Variants in SPATA13 observed in about 807,000 individuals in gnomAD.
SPATA13 encodes spermatogenesis associated 13.
In SPATA13, 50 loss-of-function variants were observed where a neutral mutation model predicts 104.0. The ratio of observed to expected loss-of-function variants is 0.48; its 90% CI spans 0.38 to 0.61. The LOEUF (loss-of-function observed/expected upper bound fraction) is 0.61. Ranked by LOEUF, SPATA13 falls within the 20% of genes least tolerant of loss-of-function variation. SPATA13 has a pLI of 0.00. For missense variants in SPATA13, 1,524 were observed against 1,690.6 expected, an observed-to-expected ratio of 0.90 and a Z score of 1.73; for synonymous variants, 606 against 667.5, an observed-to-expected ratio of 0.91 and a Z score of 1.42.
intron 3 of SPATA13, among the ~76,000 whole-genome samples, chr13:24,057,009 C>G (rs761369532): frequency 1.6e-5 from 1 of 60,722 alleles, no homozygotes; most frequent in Non-Finnish European, 3.5e-5. Flanking sequence ...TTTTCTTTCT[C>G]TCTCTCTCTC....
intron 4 of SPATA13, among the ~76,000 whole-genome samples, chr13:24,255,698 T>C (rs1873755214): frequency 6.6e-6 from 1 of 152,118 alleles, no homozygotes; most frequent in Non-Finnish European, 1.5e-5. Context: ...GCCCAAGGGG[T>C]GGTGAGACTC....
intron 3 of SPATA13, among the ~76,000 whole-genome samples, chr13:24,026,251 G>A (rs1231037315): frequency 6.6e-6 from 1 of 152,134 alleles, no homozygotes; most frequent in African/African-American, 2.4e-5. Context: ...TGTGAGTTAA[G>A]AAATCCTTTC....
intron 3 of SPATA13, among the ~76,000 whole-genome samples, chr13:24,055,864 C>T (rs7985197): frequency 0.14 from 21,211 of 152,218 alleles, 1,787 homozygotes; most frequent in East Asian, 0.33. Context: ...AATCCACCAC[C>T]GCACGGGTCC....
At chr13:23,990,414 A>G (rs765121887) in intron 2 of SPATA13, among the ~76,000 whole-genome samples, 1 of 151,516 alleles carries the variant, frequency 6.6e-6, no homozygotes, top group Non-Finnish European at 1.5e-5. Context: ...TCCTTCCTAC[A>G]CTCCACTGTT....
chr13:24,033,015 C>T (rs1465204601), intron 3 of SPATA13, among the ~76,000 whole-genome samples: 1 of 152,048 alleles, frequency 6.6e-6, no homozygotes, highest in African/African-American at 2.4e-5. Context: ...TTCATGGAGA[C>T]AATAAAAATT....
chr13:24,138,267 T>TTCCAG (rs1481151023), intron 3 of SPATA13, among the ~76,000 whole-genome samples: 2 of 151,556 alleles, frequency 1.3e-5, no homozygotes, highest in Non-Finnish European at 2.9e-5. Context: ...GGATGCACCA[T>TTCCAG]TCCAGTCCAG....
upstream of SPATA13, among the ~76,000 whole-genome samples, chr13:24,159,089 T>C (rs1882353968): frequency 7.2e-6 from 1 of 139,802 alleles, no homozygotes; most frequent in African/African-American, 2.6e-5. Flanking sequence ...TTTGTGCTAA[T>C]TCTAAAGAGA....
chr13:24,181,761 C>CTTTTTTTTTTTTT (rs374662974), intron 1 of SPATA13, among the ~76,000 whole-genome samples: 1 of 145,008 alleles, frequency 6.9e-6, no homozygotes, highest in Non-Finnish European at 1.5e-5. Flanking sequence ...TTACAGTTGA[C>CTTTTTTTTTTTTT]TTTTTTTTTT....
chr13:24,120,305 G>A (rs560955163), intron 3 of SPATA13, among the ~76,000 whole-genome samples: 13 of 152,334 alleles, frequency 8.5e-5, no homozygotes, highest in East Asian at 1.9e-4. Flanking sequence ...AAAGACCCAC[G>A]TCTTTGCCAA....
intron 3 of SPATA13, among the ~76,000 whole-genome samples, chr13:24,119,521 G>GCTT (rs1246206754): frequency 6.6e-6 from 1 of 152,172 alleles, no homozygotes; most frequent in Non-Finnish European, 1.5e-5. Context: ...ATCTCTCAGA[G>GCTT]CTTCTTCTGG....
chr13:24,165,637 T>C (rs1882698441), intron 1 of SPATA13, among the ~76,000 whole-genome samples: 1 of 151,928 alleles, frequency 6.6e-6, no homozygotes, highest in African/African-American at 2.4e-5. Flanking sequence ...TTACTCACTG[T>C]CTGGGACAGA....
At position 24,085,324 on chromosome 13, in the gene SPATA13, G is replaced by A. The variant is rs1357077818; in HGVS notation, c.-112+67623G>A. ...GTATTTTTAGTAGAGACAGGGTTTCGCCATGTTAGCCTGGCTAGTCTCTGA... is the reference window on the plus strand; with the variant it reads ...GTATTTTTAGTAGAGACAGGGTTTCACCATGTTAGCCTGGCTAGTCTCTGA... On this transcript the variant is annotated intron_variant, in intron 3 of 14. Coordinates refer to the SPATA13 transcript ENST00000424834. 1.2e-4 allele frequency among the ~76,000 whole-genome samples: 18 copies of A among 152,076 alleles called. 1 individual carries two copies. Among genetic ancestry groups the A allele is most frequent in the Non-Finnish European group, 2.1e-4 (14 of 68,018 alleles).
intron 3 of SPATA13, among the ~76,000 whole-genome samples, chr13:24,097,338 A>G (rs1880116779): frequency 6.6e-6 from 1 of 152,194 alleles, no homozygotes; most frequent in Non-Finnish European, 1.5e-5. Context: ...AGGTCATGCA[A>G]CTAGTAGGTG....
chr13:24,078,732 A>G (rs1053027244), intron 3 of SPATA13, among the ~76,000 whole-genome samples: 1 of 152,210 alleles, frequency 6.6e-6, no homozygotes, highest in African/African-American at 2.4e-5. Flanking sequence ...TCAATAGCCC[A>G]TCAGTGTACA....
At chr13:24,261,641 G>A (rs2138680137) in intron 4 of SPATA13, among the ~76,000 whole-genome samples, 1 of 152,310 alleles carries the variant, frequency 6.6e-6, no homozygotes, top group East Asian at 1.9e-4. Context: ...TAGCCAGGCA[G>A]GTAAGCGGTG....
In SPATA13 at chr13:24,051,514, C is replaced by G. The variant is rs1225038519; in HGVS notation, c.-112+33813C>G. Among the ~76,000 whole-genome samples, 1 of 152,204 alleles carries G rather than the reference C, an allele frequency of 6.6e-6. No individual in the cohort carries two copies. Among genetic ancestry groups the G allele is most frequent in the East Asian group, 1.9e-4 (1 of 5,188 alleles). On this transcript the variant is annotated intron_variant, in intron 3 of 14. Transcript: ENST00000424834. The surrounding 1 kb of genome is among the most constrained non-coding windows in gnomAD (Gnocchi z 4.2). ...GGGACATACTCATGCACACCCAACCCTTAGGGGAGGAGATTATGCCCAGTG... is the reference window on the plus strand; with the variant it reads ...GGGACATACTCATGCACACCCAACCGTTAGGGGAGGAGATTATGCCCAGTG...
In SPATA13 at chr13:24,249,687, C is replaced by A. The variant is rs774012861; in HGVS notation, c.1864C>A (p.Pro622Thr). ...PQKEDRVDED[P>T]QASMTSASPE... ...GAAGGAAGACCGTGTGGACGAGGAC[C>A]CCCAGGCAAGCATGACTTCTGCCAG... The change falls in exon 3 of 13, where the codon CCC becomes ACC. Residue 622 changes from proline to threonine, a missense_variant. By Grantham distance (38) the Pro-to-Thr change is conservative. Transcript: ENST00000382108. 4 of 1,614,186 alleles carry A rather than the reference C, an allele frequency of 2.5e-6. No individual in the cohort carries two copies. The highest frequency in any genetic ancestry group is 3.4e-6 in the Non-Finnish European group (4 of 1,180,014).
chr13:24,023,725 G>A (rs538517249), intron 3 of SPATA13, among the ~76,000 whole-genome samples: 1 of 152,290 alleles, frequency 6.6e-6, no homozygotes, highest in South Asian at 2.1e-4. Context: ...GGCTTTGAAG[G>A]TGGAGGCCAT....
At position 24,289,041 on chromosome 13, in the gene SPATA13, G is replaced by C; in HGVS notation, c.2710G>C (p.Val904Leu). 6.2e-7 allele frequency: 1 copy of C among 1,613,680 alleles called. No homozygotes were observed. The highest frequency in any genetic ancestry group is 8.5e-7 in the Non-Finnish European group (1 of 1,179,938). Reference protein sequence around the residue: ...QCRKHTGMFTVAQLATIFGNI... With the variant: ...QCRKHTGMFTLAQLATIFGNI... The stretch of plus-strand genomic sequence containing the variant: ...CCGCAAGCACACAGGAATGTTCACC[G>C]TTGCGCAGCTAGCCACTATTTTTGG... The change falls in exon 8 of 13, where the codon GTT becomes CTT. Residue 904 changes from valine to leucine, a missense_variant. Val to Leu is a conservative substitution (Grantham distance 32). Coordinates refer to ENST00000382108, the MANE Select transcript of SPATA13 (RefSeq NM_001166271.3).
Sources: gnomAD v4.1 joint callset for allele counts (sites outside exome capture counted in the v4.1 genomes callset) on GRCh38, gnomAD v4.1.1 for gene constraint, Gnocchi (gnomAD v3.1) non-coding constraint, MANE v1.5 for transcripts, NCBI Gene and HGNC (gene_info 2026-07-23, HGNC 2026-07-21) for gene names.